ZHX2: variants seen among roughly 807,000 people sequenced by gnomAD.
The protein encoded by ZHX2 is zinc fingers and homeoboxes protein 2.
A neutral mutation model predicts 21.9 loss-of-function variants in ZHX2; 6 were observed. That is an observed-to-expected ratio of 0.27 (90% CI 0.15 to 0.54). The LOEUF (loss-of-function observed/expected upper bound fraction) is 0.54, where lower values mean the gene tolerates loss of function less well. Among genes scored for constraint, ZHX2 ranks in the 20% least tolerant of loss-of-function variants. The probability of loss-of-function intolerance (pLI) is 0.95; values close to 1 mark genes in which losing one functional copy is unlikely to be tolerated. For synonymous variants in ZHX2, 434 were observed against 437.1 expected (o/e 0.99, Z 0.09); for missense variants, 908 against 1,090.7 (o/e 0.83, Z 2.36).
Position 122,951,710 on chromosome 8 carries a change from G to C in ZHX2, c.200G>C (p.Gly67Ala), listed in dbSNP as rs1813116541. 6.2e-7 allele frequency: 1 copy of C among 1,613,944 alleles called. No homozygotes were observed. Among genetic ancestry groups the C allele is most frequent in the Admixed American group, 1.7e-5 (1 of 59,988 alleles). ...GAAGTGATAGAGGTGAAATCTATGGGGGAAAGCCAGTCCAAAAAACTCCAA... is the reference window on the plus strand; with the variant it reads ...GAAGTGATAGAGGTGAAATCTATGGCGGAAAGCCAGTCCAAAAAACTCCAA... ...ENEVIEVKSM[G>A]ESQSKKLQGG... The change falls in exon 3 of 4, where the codon GGG (glycine) becomes GCG (alanine). Residue 67 changes from glycine (G) to alanine (A), a missense_variant. Physicochemically the swap from Gly to Ala is moderately conservative, Grantham distance 60. This residue lies in a region of ZHX2 where 220 missense variants were observed against 251.4 expected (regional missense o/e 0.88). Transcript: ENST00000314393.
chr8:122,837,346 A>G (rs1818525687), intron 1 of ZHX2, among the ~76,000 whole-genome samples: 1 of 152,156 alleles, frequency 6.6e-6, no homozygotes, highest in Non-Finnish European at 1.5e-5. Flanking sequence ...CTGACCATCA[A>G]AGGAAACCCC....
chr8:122,796,444 A>G (rs1264544859), intron 1 of ZHX2, among the ~76,000 whole-genome samples: 1 of 152,192 alleles, frequency 6.6e-6, no homozygotes, highest in Admixed American at 6.5e-5. Flanking sequence ...GTACTTACTA[A>G]GATTTATCTT....
rs144568529 is a variant in ZHX2, at chr8:122,953,352, C to G, written c.1842C>G (p.Leu614=). ...VGAPNGALSR[L]DQLSGAQLTS... ...CCCCCAATGGTGCTCTGTCTCGACT[C>G]GACCAGCTCTCCGGTGCCCAGTTAA... The change falls in exon 3 of 4, where the codon CTC becomes CTG. Residue 614 remains leucine, a synonymous_variant. Transcript: ENST00000314393. The surrounding 1 kb of genome is among the most constrained non-coding windows in gnomAD (Gnocchi z 4.6). The G allele has an allele frequency of 1.9e-6, 3 of 1,614,076 alleles. No individual in the cohort carries two copies. Among genetic ancestry groups the G allele is most frequent in the Non-Finnish European group, 2.5e-6 (3 of 1,180,030 alleles).
chr8:122,785,209 A>T (rs1817371359), intron 1 of ZHX2, among the ~76,000 whole-genome samples: 1 of 152,228 alleles, frequency 6.6e-6, no homozygotes, highest in Non-Finnish European at 1.5e-5. Context: ...CAATGTCCAG[A>T]GGTGTAGCCA....
chr8:122,802,508 C>A (rs1327362787), intron 1 of ZHX2, among the ~76,000 whole-genome samples: 1 of 152,192 alleles, frequency 6.6e-6, no homozygotes, highest in African/African-American at 2.4e-5. Flanking sequence ...TCAGGCCTTT[C>A]TGGACCTTGT....
intron 1 of ZHX2, among the ~76,000 whole-genome samples, chr8:122,801,088 A>AT (rs1156345932): frequency 6.6e-6 from 1 of 152,238 alleles, no homozygotes; most frequent in Non-Finnish European, 1.5e-5. Context: ...TCAACTCTGC[A>AT]AATCAAGGCT....
chr8:122,829,240 T>C (rs1242993991), intron 1 of ZHX2, among the ~76,000 whole-genome samples: 1 of 152,246 alleles, frequency 6.6e-6, no homozygotes, highest in Non-Finnish European at 1.5e-5. Context: ...CTAGGAAGGA[T>C]GTGTTTTCTT....
intron 1 of ZHX2, among the ~76,000 whole-genome samples, chr8:122,808,145 G>C (rs1489994734): frequency 2.6e-5 from 4 of 152,140 alleles, no homozygotes; most frequent in African/African-American, 9.7e-5. Context: ...ACTTTTAAGA[G>C]ATTAGTGATC....
intron 1 of ZHX2, chr8:122,811,942 A>C (rs1817939505): frequency 6.6e-6 from 1 of 152,228 alleles, no homozygotes. Context: ...TCTTGGGTTC[A>C]AAACAGAAAG....
intron 1 of ZHX2, among the ~76,000 whole-genome samples, chr8:122,837,399 C>G (rs78473183): frequency 7.0e-4 from 106 of 152,130 alleles, no homozygotes; most frequent in Admixed American, 1.3e-3. Flanking sequence ...AATCGTGAGC[C>G]CCATCCTGGA....
intron 3 of ZHX2, among the ~76,000 whole-genome samples, chr8:122,966,682 G>T (rs1161637638): frequency 6.6e-6 from 1 of 152,080 alleles, no homozygotes; most frequent in African/African-American, 2.4e-5. Flanking sequence ...TGAGCTTTTT[G>T]TATTTGGATA....
chr8:122,934,536 A>G (rs1311994609), intron 2 of ZHX2, among the ~76,000 whole-genome samples: 11 of 152,120 alleles, frequency 7.2e-5, no homozygotes, highest in East Asian at 3.9e-4. Context: ...CCAGTGCCCT[A>G]TGGACCTTCT....
chr8:122,842,274 T>C (rs1818647699), intron 1 of ZHX2, among the ~76,000 whole-genome samples: 1 of 152,210 alleles, frequency 6.6e-6, no homozygotes, highest in African/African-American at 2.4e-5. Context: ...CACCTTCTTC[T>C]CTCAGGGCCC....
intron 2 of ZHX2, among the ~76,000 whole-genome samples, chr8:122,900,945 A>G (rs777090673): frequency 6.6e-6 from 1 of 152,182 alleles, no homozygotes; most frequent in Non-Finnish European, 1.5e-5. Context: ...CATGTGTTGC[A>G]TATCAATTTT....
At chr8:122,897,651 G>A (rs11985370) in intron 2 of ZHX2, among the ~76,000 whole-genome samples, 3,545 of 151,526 alleles carry the variant, frequency 0.023, 90 homozygotes, top group African/African-American at 0.066. Flanking sequence ...GCATCCCAGA[G>A]TATTGCCTCA....
intron 3 of ZHX2, among the ~76,000 whole-genome samples, chr8:122,957,267 G>A (rs540600248): frequency 7.5e-5 from 10 of 134,076 alleles, no homozygotes; most frequent in East Asian, 4.4e-4. Context: ...GTATACCCCC[G>A]TTCTCAGGAC....
At chr8:122,796,362 CCT>C (rs1817613632) in intron 1 of ZHX2, among the ~76,000 whole-genome samples, 1 of 152,096 alleles carries the variant, frequency 6.6e-6, no homozygotes, top group Non-Finnish European at 1.5e-5. Context: ...AAGACACTGT[CCT>C]CTTGCAGTTT....
intron 1 of ZHX2, among the ~76,000 whole-genome samples, chr8:122,859,962 G>C (rs1307528216): frequency 6.6e-6 from 1 of 152,102 alleles, no homozygotes; most frequent in Non-Finnish European, 1.5e-5. Flanking sequence ...GTTCTATATT[G>C]ACATTAGTAC....
intron 2 of ZHX2, among the ~76,000 whole-genome samples, chr8:122,883,133 G>A (rs528790674): frequency 6.6e-6 from 1 of 152,056 alleles, no homozygotes; most frequent in South Asian, 2.1e-4. Flanking sequence ...CCCCACCCTC[G>A]TTTCTTCCCA....
Sources: allele counts gnomAD v4.1 joint callset (sites outside exome capture counted in the v4.1 genomes callset), GRCh38; gene constraint gnomAD v4.1.1; regional missense constraint gnomAD v4.1.1; non-coding constraint Gnocchi (gnomAD v3.1); transcripts MANE v1.5; gene names NCBI Gene and HGNC (gene_info 2026-07-23, HGNC 2026-07-21).